The following TTF2 variants were observed in gnomAD, a reference collection of about 807,000 sequenced individuals.
The protein encoded by TTF2 is transcription termination factor 2, also known as RNA polymerase II termination factor.
TTF2 carries 108 observed loss-of-function variants against 142.4 expected under a neutral mutation model. The ratio of observed to expected loss-of-function variants is 0.76; its 90% confidence interval spans 0.65 to 0.89. The LOEUF is 0.89. Among genes scored for constraint, TTF2 ranks in the 40% least tolerant of loss-of-function variants. The pLI is 0.00. For missense variants in TTF2, 1,327 were observed against 1,379.8 expected (o/e 0.96, Z 0.61); for synonymous variants, 483 against 506.2 (o/e 0.95, Z 0.61).
Position 117,090,038 on chromosome 1 carries a change from C to T in TTF2, c.2343-17C>T. On this transcript the variant is annotated splice_polypyrimidine_tract_variant and intron_variant, in intron 13 of 22. Transcript: ENST00000369466. The surrounding 1 kb of genome is among the most constrained non-coding windows in gnomAD (Gnocchi z 4.8). ...TTTTCCTTCCCTACTCTGTGCCCTT[C>T]TTCCTCAACAAAAAAGGTTTCTCCG... The T allele has an allele frequency of 6.2e-7, 1 of 1,610,926 alleles. No individual in the cohort carries two copies. Among genetic ancestry groups the T allele is most frequent in the Non-Finnish European group, 8.5e-7 (1 of 1,178,338 alleles).
chr1:117,092,800 A>G lies in TTF2; in HGVS notation c.2875A>G (p.Thr959Ala). 1 of 1,614,156 alleles carries G rather than the reference A, an allele frequency of 6.2e-7. No individual in the cohort carries two copies. The highest frequency in any genetic ancestry group is 8.5e-7 in the Non-Finnish European group (1 of 1,180,024). The stretch of plus-strand genomic sequence containing the variant: ...CCTGGAAGAACAGCTCAGTGCTTTG[A>G]CCTTGTCAGAACTCCGTGACTCAGA... ...LSLEEQLSAL[T>A]LSELRDSEPS... is the part of the protein sequence containing the mutation. The change falls in exon 18 of 23, where the codon ACC (threonine) becomes GCC (alanine). Residue 959 changes from threonine (T) to alanine (A), a missense_variant. Transcript: ENST00000369466. The surrounding 1 kb of genome is among the most constrained non-coding windows in gnomAD (Gnocchi z 4.4).
rs1656973852 is a variant in TTF2 at position 117,075,941 on chromosome 1, G to A, written c.1275+82G>A. Reference sequence around the variant, plus strand: ...ATATGAGATCTCATTGCTACAGAAGGGTTAAATATGTTCATGTGAAGGTTT... The same window carrying A: ...ATATGAGATCTCATTGCTACAGAAGAGTTAAATATGTTCATGTGAAGGTTT... On this transcript the variant is annotated intron_variant, in intron 5 of 22. Transcript: ENST00000369466. The surrounding 1 kb of genome is among the most constrained non-coding windows in gnomAD (Gnocchi z 4.5). 3 of 1,503,064 alleles carry A rather than the reference G, an allele frequency of 2.0e-6. No individual in the cohort carries two copies. The highest frequency in any genetic ancestry group is 2.5e-4 in the Middle Eastern group (1 of 4,008). 93.1% of individuals were successfully genotyped at this position (1,503,064 alleles called of 1,614,324 possible). A position where few individuals can be genotyped will look rare whatever the true frequency, so the allele number is the denominator to read the frequency against.
rs1193938970 is a variant in TTF2, at chr1:117,080,893, C to T, written c.1784-935C>T. On this transcript the variant is annotated intron_variant, in intron 9 of 22. Transcript: ENST00000369466. The surrounding 1 kb of genome is among the most constrained non-coding windows in gnomAD (Gnocchi z 4.3). ...TTGTGACAACAGGCGTCAAAGGTTC[C>T]CTAGGAAGCTCATTAGAGATTTAAT... is the stretch of plus-strand genomic sequence containing the variant. Among the ~76,000 whole-genome samples, 1 of 152,096 alleles carries T rather than the reference C, an allele frequency of 6.6e-6. No individual in the cohort carries two copies. The highest frequency in any genetic ancestry group is 1.5e-5 in the Non-Finnish European group (1 of 67,978).
intron 3 of TTF2, among the ~76,000 whole-genome samples, chr1:117,072,305 T>G (rs1235619643): frequency 6.6e-6 from 1 of 152,132 alleles, no homozygotes; most frequent in Non-Finnish European, 1.5e-5. Flanking sequence ...TGGCTACTCT[T>G]GTTCTATATG....
chr1:117,092,163 G>T lies in TTF2; in HGVS notation c.2805+213G>T, dbSNP rs1451280325. The stretch of plus-strand genomic sequence containing the variant: ...ATCTTGATAATTCCTATGGCATCAA[G>T]AATAGTGTATTTCTATTGTTTATTT... On this transcript the variant is annotated intron_variant, in intron 17 of 22. Transcript: ENST00000369466. This position sits in a 1 kb window ranked among gnomAD's most constrained non-coding sequence, Gnocchi z 4.4. 1.3e-5 allele frequency among the ~76,000 whole-genome samples: 2 copies of T among 152,178 alleles called. No homozygotes were observed. The highest frequency in any genetic ancestry group is 2.9e-5 in the Non-Finnish European group (2 of 68,026).
At position 117,078,052 on chromosome 1, in the gene TTF2, G is replaced by A. The variant is rs1182979685; in HGVS notation, c.1701+9G>A. 6.2e-6 allele frequency: 10 copies of A among 1,613,344 alleles called. No homozygotes were observed. Among genetic ancestry groups the A allele is most frequent in the Non-Finnish European group, 8.5e-6 (10 of 1,179,918 alleles). On this transcript the variant is annotated intron_variant, in intron 8 of 22. Coordinates refer to ENST00000369466, the MANE Select transcript of TTF2 (RefSeq NM_003594.4). The stretch of plus-strand genomic sequence containing the variant: ...ATCCCGCCGGGCTGAAGGTGAGCCA[G>A]GGAAGACTCCTGGTGTAGTCCTCTA...
At chr1:117,072,613 C>T (rs561511329) in intron 3 of TTF2, among the ~76,000 whole-genome samples, 3 of 151,972 alleles carry the variant, frequency 2.0e-5, no homozygotes, top group South Asian at 4.2e-4. Context: ...TTAGTAGAGA[C>T]GGGATTTCAC....
At chr1:117,082,020 C>G (rs1647559831) in intron 10 of TTF2, 73 bp downstream of exon 10, 1 of 1,605,710 alleles carries the variant, frequency 6.2e-7, no homozygotes, top group African/African-American at 1.3e-5. Context: ...ACGTCTTCAG[C>G]TAAAAAAGGA....
At chr1:117,094,775 A>G in intron 18 of TTF2, 2 of 396,584 alleles carry the variant, frequency 5.0e-6, no homozygotes, top group Non-Finnish European at 1.0e-5. Context: ...AGAGATAATA[A>G]GCAATTAATA....
Position 117,064,489 on chromosome 1 carries a change from A to G in TTF2, c.218+2016A>G, listed in dbSNP as rs373271640. 6.8e-5 allele frequency among the ~76,000 whole-genome samples: 10 copies of G among 146,642 alleles called. No individual in the cohort carries two copies. In the East Asian group the frequency reaches 1.8e-3, roughly 26 times the overall value. ...TCACAAATATTTCCAAGAATTGTCT[A>G]GAAGCTTTATAGTTTTATTTTTGTT... On this transcript the variant is annotated intron_variant, in intron 3 of 22. Transcript: ENST00000369466.
Position 117,097,743 on chromosome 1 carries a change from G to A in TTF2, c.3269+310G>A, listed in dbSNP as rs1433897091. On this transcript the variant is annotated intron_variant, in intron 21 of 22. Coordinates refer to ENST00000369466, the MANE Select transcript of TTF2 (RefSeq NM_003594.4). The surrounding 1 kb of genome is among the most constrained non-coding windows in gnomAD (Gnocchi z 4.1). ...CATGGCTAAGAGTTAACCTTGCTCA[G>A]TTTTACCTCTTCTCCAGAATACTGT... is the stretch of plus-strand genomic sequence containing the variant. Among the ~76,000 whole-genome samples the A allele has an allele frequency of 6.6e-6, 1 of 152,178 alleles. No homozygotes were observed. The highest frequency in any genetic ancestry group is 1.5e-5 in the Non-Finnish European group (1 of 68,036).
chr1:117,097,446 G>C lies in TTF2; in HGVS notation c.3269+13G>C. 1 of 1,613,992 alleles carries C rather than the reference G, an allele frequency of 6.2e-7. No individual in the cohort carries two copies. Among genetic ancestry groups the C allele is most frequent in the Non-Finnish European group, 8.5e-7 (1 of 1,179,856 alleles). ...TGGACATGCACTGGTAATGATTCCG[G>C]ATTTGTCCTGGGTTGTCACAGCACA... On this transcript the variant is annotated intron_variant, in intron 21 of 22. Coordinates refer to ENST00000369466, the MANE Select transcript of TTF2 (RefSeq NM_003594.4). The surrounding 1 kb of genome is among the most constrained non-coding windows in gnomAD (Gnocchi z 4.1).
chr1:117,070,770 TG>T lies in TTF2; in HGVS notation c.219-2888del, dbSNP rs1271627852. Among the ~76,000 whole-genome samples the T allele has an allele frequency of 6.6e-6, 1 of 152,158 alleles. No individual in the cohort carries two copies. Among genetic ancestry groups the T allele is most frequent in the Non-Finnish European group, 1.5e-5 (1 of 68,020 alleles). On this transcript the variant is annotated intron_variant, in intron 3 of 22. Coordinates refer to ENST00000369466, the MANE Select transcript of TTF2 (RefSeq NM_003594.4). This position sits in a 1 kb window ranked among gnomAD's most constrained non-coding sequence, Gnocchi z 4.2. ...AGATTTTAAAAATTGTGAACTTGGA[TG>T]GGAAAATTGTGTTTGTACAAGAGGG...
intron 19 of TTF2, among the ~76,000 whole-genome samples, chr1:117,095,601 A>G (rs894272245): frequency 5.9e-5 from 9 of 151,422 alleles, no homozygotes; most frequent in African/African-American, 2.2e-4. Context: ...GTAGAGAAGC[A>G]TATAAAGAAA....
Position 117,090,906 on chromosome 1 carries a change from C to T in TTF2, c.2588+283C>T, listed in dbSNP as rs965801927. Among the ~76,000 whole-genome samples the T allele has an allele frequency of 1.3e-5, 2 of 152,138 alleles. No homozygotes were observed. Among genetic ancestry groups the T allele is most frequent in the Admixed American group, 1.3e-4 (2 of 15,276 alleles). Reference sequence around the variant, plus strand: ...CCATATACTGAATCTGTCTGGTCCTCATGGGGCTGTACTGAATAATAATAT... The same window carrying T: ...CCATATACTGAATCTGTCTGGTCCTTATGGGGCTGTACTGAATAATAATAT... On this transcript the variant is annotated intron_variant, in intron 15 of 22. Coordinates refer to ENST00000369466, the MANE Select transcript of TTF2 (RefSeq NM_003594.4). This position sits in a 1 kb window ranked among gnomAD's most constrained non-coding sequence, Gnocchi z 4.8.
In TTF2 at chr1:117,073,836, T is replaced by C; in HGVS notation, c.285+109T>C. ...GTAAATGAGTTGGTCTTCATCAGACTGTCTCCGAAAGATAGTTTTCTTTAA... is the reference window on the plus strand; with the variant it reads ...GTAAATGAGTTGGTCTTCATCAGACCGTCTCCGAAAGATAGTTTTCTTTAA... On this transcript the variant is annotated intron_variant, in intron 4 of 22. Transcript: ENST00000369466. The surrounding 1 kb of genome is among the most constrained non-coding windows in gnomAD (Gnocchi z 4.4). 1 of 987,046 alleles carries C rather than the reference T, an allele frequency of 1.0e-6. No homozygotes were observed. Among genetic ancestry groups the C allele is most frequent in the Non-Finnish European group, 1.5e-6 (1 of 680,076 alleles). The allele number at this position is 987,046 out of a possible 1,614,324, so 61.1% of individuals were successfully genotyped here.
At chr1:117,083,335 T>C (rs1403549212) in intron 10 of TTF2, among the ~76,000 whole-genome samples, 1 of 151,802 alleles carries the variant, frequency 6.6e-6, no homozygotes, top group African/African-American at 2.4e-5. Flanking sequence ...TTGTGTGTAC[T>C]AGCAGTATGT....
At chr1:117,088,076 G>C (rs1648190403) in intron 12 of TTF2, among the ~76,000 whole-genome samples, 1 of 152,126 alleles carries the variant, frequency 6.6e-6, no homozygotes, top group Non-Finnish European at 1.5e-5. Context: ...GGTAGGAACT[G>C]TTTTTTATAT....
chr1:117,097,259 C>T lies in TTF2; in HGVS notation c.3187-92C>T. On this transcript the variant is annotated intron_variant, in intron 20 of 22. Transcript: ENST00000369466. This position sits in a 1 kb window ranked among gnomAD's most constrained non-coding sequence, Gnocchi z 4.1. Reference sequence around the variant, plus strand: ...AAGGAAATTTGATAGGAACACAGTGCTTATCTGTATTGATTGTGGACTTAA... The same window carrying T: ...AAGGAAATTTGATAGGAACACAGTGTTTATCTGTATTGATTGTGGACTTAA... 9.2e-7 allele frequency: 1 copy of T among 1,088,992 alleles called. No individual in the cohort carries two copies. Among genetic ancestry groups the T allele is most frequent in the East Asian group, 2.4e-5 (1 of 42,288 alleles). The allele number at this position is 1,088,992 out of a possible 1,614,324, so 67.5% of individuals were successfully genotyped here.
Sources: gnomAD v4.1 joint callset for allele counts (sites outside exome capture counted in the v4.1 genomes callset) on GRCh38, gnomAD v4.1.1 for gene constraint, Gnocchi (gnomAD v3.1) non-coding constraint, MANE v1.5 for transcripts, NCBI Gene and HGNC (gene_info 2026-07-23, HGNC 2026-07-21) for gene names.